KCNIP1: variants seen among roughly 807,000 people sequenced by gnomAD.
KCNIP1 encodes the protein A-type potassium channel modulatory protein KCNIP1.
In KCNIP1, 18 loss-of-function variants were observed where a neutral mutation model predicts 33.0. The ratio of observed to expected loss-of-function variants is 0.55; its 90% CI spans 0.38 to 0.81. The LOEUF is 0.81. Ranked by LOEUF, KCNIP1 falls within the 30% of genes least tolerant of loss-of-function variation. The probability of loss-of-function intolerance (pLI) is 0.00; values close to 1 mark genes in which losing one functional copy is unlikely to be tolerated. For missense variants in KCNIP1, 238 were observed against 271.6 expected, an observed-to-expected ratio of 0.88 and a Z score of 0.87; for synonymous variants, 93 against 98.3, an observed-to-expected ratio of 0.95 and a Z score of 0.32.
At chr5:170,720,945 G>A (rs1004079979) in intron 3 of KCNIP1, among the ~76,000 whole-genome samples, 7 of 151,928 alleles carry the variant, frequency 4.6e-5, no homozygotes, top group Admixed American at 6.5e-5. Context: ...TTACAAGTGT[G>A]CCAGGCCCAC....
intron 1 of KCNIP1, among the ~76,000 whole-genome samples, chr5:170,664,237 C>T (rs866004590): frequency 6.6e-6 from 1 of 152,160 alleles, no homozygotes; most frequent in Non-Finnish European, 1.5e-5. Context: ...CTGAACAGCT[C>T]GGTTTCTCTT....
At chr5:170,731,702 AAAAAAAG>A (rs1188746668) in intron 5 of KCNIP1, among the ~76,000 whole-genome samples, 14 of 130,416 alleles carry the variant, frequency 1.1e-4, no homozygotes, top group African/African-American at 1.5e-4. Context: ...TCAAAAAAAA[AAAAAAAG>A]AAAAAAGAAA....
At chr5:170,659,650 G>C (rs1761399559) in intron 1 of KCNIP1, among the ~76,000 whole-genome samples, 1 of 152,186 alleles carries the variant, frequency 6.6e-6, no homozygotes, top group African/African-American at 2.4e-5. Context: ...TGCAGAGGCA[G>C]TGAGGAGTTA....
chr5:170,402,370 G>A (rs1754926637), intron 1 of KCNIP1, among the ~76,000 whole-genome samples: 1 of 152,100 alleles, frequency 6.6e-6, no homozygotes, highest in Admixed American at 6.5e-5. Context: ...TGGACTAACT[G>A]CCGCAACCAC....
chr5:170,473,440 C>G (rs569776342), intron 1 of KCNIP1, among the ~76,000 whole-genome samples: 23 of 152,210 alleles, frequency 1.5e-4, no homozygotes, highest in African/African-American at 5.1e-4. Context: ...AGTTACAAAG[C>G]CAGTCAATGG....
chr5:170,514,673 C>T (rs1755059854), intron 1 of KCNIP1, among the ~76,000 whole-genome samples: 1 of 152,206 alleles, frequency 6.6e-6, no homozygotes, highest in African/African-American at 2.4e-5. Context: ...GCTTTCAAAA[C>T]ACAATTTTTG....
chr5:170,467,190 C>T (rs1424238287), intron 1 of KCNIP1, among the ~76,000 whole-genome samples: 2 of 152,032 alleles, frequency 1.3e-5, no homozygotes, highest in Non-Finnish European at 2.9e-5. Context: ...AAGCAGCTGG[C>T]CGTGAGTCAG....
intron 1 of KCNIP1, among the ~76,000 whole-genome samples, chr5:170,687,228 C>G (rs1306795845): frequency 2.0e-5 from 3 of 151,108 alleles, no homozygotes; most frequent in Admixed American, 6.6e-5. Flanking sequence ...GTTGCCCAGG[C>G]TAGAGTACAG....
At chr5:170,419,463 G>C (rs144773202) in intron 1 of KCNIP1, among the ~76,000 whole-genome samples, 194 of 152,240 alleles carry the variant, frequency 1.3e-3, no homozygotes, top group African/African-American at 4.5e-3. Context: ...CTCTGGATTT[G>C]AATATAATTC....
intron 7 of KCNIP1, 31 bp downstream of exon 7, chr5:170,733,929 T>C: frequency 6.3e-7 from 1 of 1,591,470 alleles, no homozygotes; most frequent in Non-Finnish European, 8.6e-7. Context: ...ACAATAACTC[T>C]ACATCTGGGA....
intron 1 of KCNIP1, among the ~76,000 whole-genome samples, chr5:170,582,167 A>G (rs1757818291): frequency 6.6e-6 from 1 of 152,236 alleles, no homozygotes; most frequent in Admixed American, 6.5e-5. Context: ...TCCAAACTAT[A>G]GCACCCACCT....
chr5:170,491,261 T>TGAATGAATGAA (rs991129871), intron 1 of KCNIP1, among the ~76,000 whole-genome samples: 1 of 152,268 alleles, frequency 6.6e-6, no homozygotes, highest in East Asian at 1.9e-4. Flanking sequence ...GATGAATGAA[T>TGAATGAATGAA]GAATGAATGA....
chr5:170,718,976 T>C (rs746476533), intron 2 of KCNIP1, 94 bp downstream of exon 2: 7 of 1,492,852 alleles, frequency 4.7e-6, no homozygotes, highest in Non-Finnish European at 6.3e-6. Context: ...GCGTTTCCCA[T>C]ATGTGAGGCT....
chr5:170,548,608 TC>T (rs1356690631), intron 1 of KCNIP1, among the ~76,000 whole-genome samples: 1 of 152,164 alleles, frequency 6.6e-6, no homozygotes, highest in Non-Finnish European at 1.5e-5. Flanking sequence ...GCTCCTTCCT[TC>T]CCCATCCACC....
intron 1 of KCNIP1, among the ~76,000 whole-genome samples, chr5:170,549,680 A>G (rs967916871): frequency 1.5e-4 from 23 of 152,250 alleles, no homozygotes; most frequent in African/African-American, 5.5e-4. Context: ...AATATGCTTA[A>G]GAAATATTAT....
intron 1 of KCNIP1, among the ~76,000 whole-genome samples, chr5:170,533,369 T>C (rs190305301): frequency 7.9e-5 from 12 of 152,344 alleles, no homozygotes; most frequent in Non-Finnish European, 1.5e-4. Context: ...GTTGTTGCGC[T>C]ATCCTGCAAT....
chr5:170,426,919 G>T (rs1755627978), intron 1 of KCNIP1, among the ~76,000 whole-genome samples: 1 of 152,238 alleles, frequency 6.6e-6, no homozygotes, highest in Non-Finnish European at 1.5e-5. Context: ...CAGCCTTTGC[G>T]TGGCCACAGG....
chr5:170,598,904 C>CGTGTGTGT (rs70979192), intron 1 of KCNIP1, among the ~76,000 whole-genome samples: 13,309 of 133,590 alleles, frequency 0.1, 661 homozygotes, highest in Non-Finnish European at 0.12. Context: ...TGTGTGTGCG[C>CGTGTGTGT]GTGTGTGTGT....
intron 1 of KCNIP1, among the ~76,000 whole-genome samples, chr5:170,703,505 G>A (rs1364331739): frequency 7.3e-6 from 1 of 137,878 alleles, no homozygotes; most frequent in Non-Finnish European, 1.5e-5. Context: ...AGGGCTGGTG[G>A]TTTATACCTG....
Sources: gnomAD v4.1 joint callset for allele counts (sites outside exome capture counted in the v4.1 genomes callset) on GRCh38, gnomAD v4.1.1 for gene constraint, MANE v1.5 for transcripts, NCBI Gene and HGNC (gene_info 2026-07-23, HGNC 2026-07-21) for gene names.